Variants in GTF2IRD1 observed in about 807,000 individuals in gnomAD.
GTF2IRD1 encodes GTF2I repeat domain containing 1.
Under a neutral mutation model 113.2 loss-of-function variants are expected in GTF2IRD1, and 26 were observed. The ratio of observed to expected loss-of-function variants is 0.23; its 90% confidence interval spans 0.17 to 0.32. GTF2IRD1 has a LOEUF of 0.32. Ranked by LOEUF, GTF2IRD1 falls within the 10% of genes least tolerant of loss-of-function variation. The probability of loss-of-function intolerance (pLI) is 1.00; values close to 1 mark genes in which losing one functional copy is unlikely to be tolerated. For missense variants in GTF2IRD1, 864 were observed against 1,280.8 expected, an observed-to-expected ratio of 0.67 and a Z score of 4.97; for synonymous variants, 484 against 529.1, an observed-to-expected ratio of 0.91 and a Z score of 1.17.
intron 16 of GTF2IRD1, 95 bp from the exon 17 acceptor site, chr7:74,547,008 G>A (rs1798981705): frequency 6.1e-6 from 7 of 1,138,736 alleles, no homozygotes; most frequent in Admixed American, 4.3e-5. Context: ...AAAGGGCTCT[G>A]GCAGCTTTGC....
intron 1 of GTF2IRD1, among the ~76,000 whole-genome samples, chr7:74,467,798 A>G (rs1793816896): frequency 6.6e-6 from 1 of 152,078 alleles, no homozygotes; most frequent in Non-Finnish European, 1.5e-5. Context: ...GTTTCAAGCG[A>G]TTCTCCTGCC....
intron 4 of GTF2IRD1, 89 bp downstream of exon 4, chr7:74,515,685 C>T (rs1199536390): frequency 8.4e-7 from 1 of 1,195,486 alleles, no homozygotes; most frequent in South Asian, 1.5e-5. Flanking sequence ...TCCTGTCCCA[C>T]TATGGGCCCT....
intron 1 of GTF2IRD1, among the ~76,000 whole-genome samples, chr7:74,465,302 A>T (rs1257562742): frequency 6.6e-6 from 1 of 152,028 alleles, no homozygotes; most frequent in African/African-American, 2.4e-5. Flanking sequence ...TCCCTGAGAT[A>T]TTCTCTTCTC....
At chr7:74,545,851 C>T (rs367846475) in intron 16 of GTF2IRD1, 42 bp downstream of exon 16, 5 of 1,458,506 alleles carry the variant, frequency 3.4e-6, no homozygotes, top group Non-Finnish European at 4.8e-6. Context: ...ATCCCGGCCC[C>T]CCTCCAGCCG....
intron 23 of GTF2IRD1, 43 bp downstream of exon 23, chr7:74,589,971 C>T (rs1331772904): frequency 7.5e-6 from 10 of 1,333,452 alleles, no homozygotes; most frequent in African/African-American, 4.3e-5. Flanking sequence ...GCCCTCCTCC[C>T]GGGGGTGGTG....
chr7:74,567,680 C>T (rs1294032583), intron 22 of GTF2IRD1, among the ~76,000 whole-genome samples: 1 of 152,176 alleles, frequency 6.6e-6, no homozygotes, highest in African/African-American at 2.4e-5. Context: ...TTGCTCTCCT[C>T]TGCCTGCCAC....
intron 22 of GTF2IRD1, among the ~76,000 whole-genome samples, chr7:74,578,674 C>A (rs184499734): frequency 6.6e-4 from 100 of 152,242 alleles, no homozygotes; most frequent in African/African-American, 2.2e-3. Flanking sequence ...TGGGCTGCTT[C>A]CATTGTTTTG....
At chr7:74,590,729 C>T (rs1554369253) in intron 23 of GTF2IRD1, 96 bp from the exon 24 acceptor site, 6 of 774,964 alleles carry the variant, frequency 7.7e-6, no homozygotes, top group Admixed American at 5.7e-5. Context: ...GTGATGGCTG[C>T]TGGGCTAGGG....
intron 20 of GTF2IRD1, among the ~76,000 whole-genome samples, chr7:74,558,236 G>A (rs1396865109): frequency 7.3e-6 from 1 of 137,154 alleles, no homozygotes; most frequent in Non-Finnish European, 1.5e-5. Context: ...CTGAGATCGC[G>A]CCATTGCATT....
chr7:74,601,920 G>A (rs184457191), intron 26 of GTF2IRD1: 79 of 162,408 alleles, frequency 4.9e-4, no homozygotes, highest in Non-Finnish European at 8.2e-4. Flanking sequence ...CTCCAGCCTG[G>A]GCAAGAGAAC....
rs534659034 is a variant in GTF2IRD1, at chr7:74,492,247, C to T, written c.-6-15828C>T. Among the ~76,000 whole-genome samples, 43 of 151,344 alleles carry T rather than the reference C, an allele frequency of 2.8e-4. No homozygotes were observed. In the South Asian group the frequency reaches 4.4e-3, roughly 16 times the overall value. ...GTTCAGTGGCGTGATCTCGGCTCAC[C>T]GCAAGCTCTGCCTCCCGGGTTCACG... On this transcript the variant is annotated intron_variant, in intron 1 of 26. Transcript: ENST00000424337.
intron 22 of GTF2IRD1, among the ~76,000 whole-genome samples, chr7:74,575,558 C>G (rs1472109373): frequency 6.6e-6 from 1 of 152,206 alleles, no homozygotes; most frequent in African/African-American, 2.4e-5. Context: ...ATAATCCAGG[C>G]GACGCCTGTG....
intron 9 of GTF2IRD1, among the ~76,000 whole-genome samples, chr7:74,533,318 A>G (rs956057362): frequency 6.6e-6 from 1 of 151,928 alleles, no homozygotes; most frequent in African/African-American, 2.4e-5. Flanking sequence ...TATTTTTAGT[A>G]GAGACGGGGT....
intron 20 of GTF2IRD1, among the ~76,000 whole-genome samples, chr7:74,558,631 G>C (rs587699946): frequency 1.5e-4 from 23 of 152,180 alleles, no homozygotes; most frequent in African/African-American, 4.3e-4. Flanking sequence ...TCCCCAAAAT[G>C]CTGGGATTAC....
chr7:74,562,712 C>T (rs1228930659), intron 22 of GTF2IRD1, among the ~76,000 whole-genome samples: 3 of 151,940 alleles, frequency 2.0e-5, no homozygotes, highest in East Asian at 1.9e-4. Context: ...AGATTATAGG[C>T]GTGTGCCACA....
At chr7:74,563,361 C>T (rs1800095511) in intron 22 of GTF2IRD1, among the ~76,000 whole-genome samples, 1 of 151,926 alleles carries the variant, frequency 6.6e-6, no homozygotes, top group African/African-American at 2.4e-5. Flanking sequence ...AGGCAGATCA[C>T]GAGGTCAGGA....
intron 8 of GTF2IRD1, among the ~76,000 whole-genome samples, chr7:74,524,989 A>G (rs1797519362): frequency 6.6e-6 from 1 of 152,148 alleles, no homozygotes; most frequent in Non-Finnish European, 1.5e-5. Context: ...GTGAGCTACG[A>G]TTGTACCCCT....
At chr7:74,561,545 G>A (rs1178487228) in intron 22 of GTF2IRD1, among the ~76,000 whole-genome samples, 1 of 151,550 alleles carries the variant, frequency 6.6e-6, no homozygotes. Context: ...CGGGGTGAAC[G>A]GCAGGGGTTG....
intron 8 of GTF2IRD1, 63 bp from the exon 9 acceptor site, chr7:74,529,671 C>T: frequency 1.4e-6 from 2 of 1,475,342 alleles, no homozygotes; most frequent in South Asian, 2.4e-5. Flanking sequence ...ACCGCAGCTC[C>T]CGGGTCCTGT....
Sources: allele counts gnomAD v4.1 joint callset (sites outside exome capture counted in the v4.1 genomes callset), GRCh38; gene constraint gnomAD v4.1.1; transcripts MANE v1.5; gene names NCBI Gene and HGNC (gene_info 2026-07-23, HGNC 2026-07-21).